The following MPPED2 variants were observed in gnomAD, a reference collection of about 807,000 sequenced individuals.
The protein encoded by MPPED2 is metallophosphoesterase domain containing 2.
Under a neutral mutation model 33.0 loss-of-function variants are expected in MPPED2, and 5 were observed. That is an observed-to-expected ratio of 0.15 (90% CI 0.08 to 0.32). The LOEUF (loss-of-function observed/expected upper bound fraction) is 0.32, where lower values mean the gene tolerates loss of function less well. MPPED2 is among the 10% of genes least tolerant of loss of function. The pLI is 1.00. For synonymous variants in MPPED2, 136 were observed against 141.9 expected (o/e 0.96, Z 0.29); for missense variants, 275 against 372.1 (o/e 0.74, Z 2.15).
intron 4 of MPPED2, among the ~76,000 whole-genome samples, chr11:30,426,060 G>T (rs1948824006): frequency 6.6e-6 from 1 of 152,084 alleles, no homozygotes; most frequent in South Asian, 2.1e-4. Flanking sequence ...AGTAACTGCG[G>T]TTTTTGCCAT....
chr11:30,392,689 T>C (rs1005943752), intron 6 of MPPED2, among the ~76,000 whole-genome samples: 2 of 152,152 alleles, frequency 1.3e-5, no homozygotes, highest in African/African-American at 4.8e-5. Flanking sequence ...CGGGTTCCCT[T>C]GGATTTCCCT....
chr11:30,528,349 G>T (rs958036612), intron 3 of MPPED2, among the ~76,000 whole-genome samples: 1 of 152,040 alleles, frequency 6.6e-6, no homozygotes, highest in South Asian at 2.1e-4. Flanking sequence ...TCTGCCTCCC[G>T]GGTTCAGGTG....
rs1407132248 is a variant in MPPED2, at chr11:30,458,766, G to A, written c.536+36530C>T. ...ATGTCTAAGAAGGGCTGAGGCACTG[G>A]GTTAACAAGCACTGAGGTCAAAGCT... is the stretch of plus-strand genomic sequence containing the variant. On this transcript the variant is annotated intron_variant, in intron 4 of 6. Coordinates refer to ENST00000358117, the MANE Select transcript of MPPED2 (RefSeq NM_001584.3). 1.3e-5 allele frequency among the ~76,000 whole-genome samples: 2 copies of A among 152,070 alleles called. 1 individual carries two copies. The highest frequency in any genetic ancestry group is 4.8e-5 in the African/African-American group (2 of 41,396).
At chr11:30,456,418 A>G (rs1198890979) in intron 4 of MPPED2, among the ~76,000 whole-genome samples, 1 of 152,168 alleles carries the variant, frequency 6.6e-6, no homozygotes, top group East Asian at 1.9e-4. Flanking sequence ...ATCAATCTTG[A>G]CCATATATGG....
At chr11:30,510,391 T>TTCCAAAAAGA (rs1253332120) in intron 3 of MPPED2, among the ~76,000 whole-genome samples, 5 of 152,214 alleles carry the variant, frequency 3.3e-5, no homozygotes, top group Non-Finnish European at 5.9e-5. Context: ...TCCATGATAC[T>TTCCAAAAAGA]AACATCACAA....
At chr11:30,406,493 A>G (rs1364487002), downstream of MPPED2, among the ~76,000 whole-genome samples, 2 of 152,134 alleles carry the variant, frequency 1.3e-5, no homozygotes, top group African/African-American at 2.4e-5. Flanking sequence ...TTTCTGAATC[A>G]GTGTTTTTCT....
intron 6 of MPPED2, among the ~76,000 whole-genome samples, chr11:30,389,922 A>C (rs1176546947): frequency 6.6e-6 from 1 of 152,194 alleles, no homozygotes; most frequent in Non-Finnish European, 1.5e-5. Context: ...AGAGTTCCCA[A>C]GTCCATCAAC....
At chr11:30,504,650 G>A in intron 3 of MPPED2, 4 of 602,290 alleles carry the variant, frequency 6.6e-6, no homozygotes, top group Non-Finnish European at 1.1e-5. Flanking sequence ...TTCAGTCAGG[G>A]CAAGCTCTGT....
intron 4 of MPPED2, among the ~76,000 whole-genome samples, chr11:30,467,839 G>A (rs1301545379): frequency 1.3e-5 from 2 of 152,170 alleles, no homozygotes; most frequent in Non-Finnish European, 2.9e-5. Context: ...CTTTCATCAA[G>A]AGATGCAGCT....
At chr11:30,549,553 A>G (rs911035016) in intron 2 of MPPED2, among the ~76,000 whole-genome samples, 1 of 152,212 alleles carries the variant, frequency 6.6e-6, no homozygotes, top group Non-Finnish European at 1.5e-5. Context: ...CAGGTCTCCT[A>G]TAACTCAGGA....
intron 4 of MPPED2, among the ~76,000 whole-genome samples, chr11:30,432,027 T>A (rs1455161192): frequency 6.6e-6 from 1 of 151,954 alleles, no homozygotes; most frequent in Non-Finnish European, 1.5e-5. Flanking sequence ...ATACAAAAAC[T>A]GTGTGGTGGC....
At chr11:30,523,829 G>T (rs1274608277) in intron 3 of MPPED2, among the ~76,000 whole-genome samples, 1 of 152,064 alleles carries the variant, frequency 6.6e-6, no homozygotes, top group Non-Finnish European at 1.5e-5. Flanking sequence ...TATGCAGAAA[G>T]AGGTAAAATA....
intron 3 of MPPED2, among the ~76,000 whole-genome samples, chr11:30,529,585 A>G (rs966257742): frequency 6.6e-6 from 1 of 152,274 alleles, no homozygotes; most frequent in African/African-American, 2.4e-5. Context: ...ACTAATGTTA[A>G]CAGTAGTTAC....
chr11:30,446,258 T>C (rs375308334), intron 4 of MPPED2, among the ~76,000 whole-genome samples: 2 of 152,354 alleles, frequency 1.3e-5, no homozygotes, highest in East Asian at 3.9e-4. Context: ...TTTCACCCAT[T>C]GAGAATTTCT....
chr11:30,406,715 G>T (rs12575085), downstream of MPPED2, among the ~76,000 whole-genome samples: 26,597 of 152,138 alleles, frequency 0.17, 2,807 homozygotes, highest in Non-Finnish European at 0.24. Context: ...CTGACATCCA[G>T]AAGTGGTCCT....
intron 4 of MPPED2, among the ~76,000 whole-genome samples, chr11:30,432,608 CT>C (rs1949129847): frequency 6.6e-6 from 1 of 151,980 alleles, no homozygotes; most frequent in African/African-American, 2.4e-5. Flanking sequence ...AGTAATGACA[CT>C]AGTTTTTTTT....
chr11:30,386,336 G>C (rs1338958184), exon 7 of MPPED2: 1 of 164,434 alleles, frequency 6.1e-6, no homozygotes, highest in Non-Finnish European at 1.3e-5. Flanking sequence ...TAGGAGAAAA[G>C]AATGGTTTGG....
chr11:30,561,765 C>G (rs537516152), intron 2 of MPPED2, among the ~76,000 whole-genome samples: 23 of 152,272 alleles, frequency 1.5e-4, no homozygotes, highest in Non-Finnish European at 2.2e-4. Context: ...TGTGGAGCAA[C>G]CTGTGACCAC....
At chr11:30,480,985 A>G (rs940606541) in intron 4 of MPPED2, among the ~76,000 whole-genome samples, 54 of 152,246 alleles carry the variant, frequency 3.5e-4, no homozygotes, top group African/African-American at 1.3e-3. Flanking sequence ...CAGGTAGAAT[A>G]ATTTTAATCT....
Sources: gnomAD v4.1 joint callset for allele counts (sites outside exome capture counted in the v4.1 genomes callset) on GRCh38, gnomAD v4.1.1 for gene constraint, MANE v1.5 for transcripts, NCBI Gene and HGNC (gene_info 2026-07-23, HGNC 2026-07-21) for gene names.